Variants in EPHA8 observed in about 807,000 individuals in gnomAD.
The protein encoded by EPHA8 is ephrin type-A receptor 8.
In EPHA8, 58 loss-of-function variants were observed where a neutral mutation model predicts 103.6. The ratio of observed to expected loss-of-function variants is 0.56; its 90% confidence interval spans 0.45 to 0.70. EPHA8 has a LOEUF of 0.70. Among genes scored for constraint, EPHA8 ranks in the 30% least tolerant of loss-of-function variants. The pLI is 0.00. For missense variants in EPHA8, 1,304 were observed against 1,395.2 expected (o/e 0.93, Z 1.04); for synonymous variants, 559 against 572.5 (o/e 0.98, Z 0.34).
At chr1:22,574,468 ACTGCCCCCTCC>A (rs1245549694) in intron 2 of EPHA8, among the ~76,000 whole-genome samples, 1 of 152,128 alleles carries the variant, frequency 6.6e-6, no homozygotes, top group Non-Finnish European at 1.5e-5. Flanking sequence ...TTAAACAGTA[ACTGCCCCCTCC>A]CTGCCAGCCC....
chr1:22,596,099 T>C lies in EPHA8; in HGVS notation c.1698-7T>C, dbSNP rs1641510044. 1 of 1,613,586 alleles carries C rather than the reference T, an allele frequency of 6.2e-7. No homozygotes were observed. The highest frequency in any genetic ancestry group is 1.1e-5 in the South Asian group (1 of 91,064). On this transcript the variant is annotated splice_region_variant and splice_polypyrimidine_tract_variant and intron_variant, in intron 8 of 16. Coordinates refer to ENST00000166244, the MANE Select transcript of EPHA8 (RefSeq NM_020526.5). ...GGCCTCAGGCAGGGCGGTGCCCTCCTCTGCAGGCACTGTGGCTACAGCAAG... is the reference window on the plus strand; with the variant it reads ...GGCCTCAGGCAGGGCGGTGCCCTCCCCTGCAGGCACTGTGGCTACAGCAAG...
chr1:22,576,819 C>T lies in EPHA8; in HGVS notation c.762C>T (p.Leu254=), dbSNP rs150558842. 3.7e-5 allele frequency: 59 copies of T among 1,611,018 alleles called. No homozygotes were observed. The highest frequency in any genetic ancestry group is 4.8e-5 in the Non-Finnish European group (56 of 1,178,826). Reference sequence around the variant, plus strand: ...ACTGCAGCGCGGAGGGCGAGTGGCTCGTGCCCATCGGCAAATGCGTGTGCA... The same window carrying T: ...ACTGCAGCGCGGAGGGCGAGTGGCTTGTGCCCATCGGCAAATGCGTGTGCA... ...KMYCSAEGEW[L]VPIGKCVCSA... The change falls in exon 3 of 17, where the codon CTC becomes CTT. Residue 254 remains leucine (L), a synonymous_variant. Transcript: ENST00000166244. This position sits in a 1 kb window ranked among gnomAD's most constrained non-coding sequence, Gnocchi z 4.8.
chr1:22,579,215 G>GTA (rs1462429451), intron 3 of EPHA8, among the ~76,000 whole-genome samples: 12 of 151,472 alleles, frequency 7.9e-5, no homozygotes, highest in African/African-American at 2.9e-4. Context: ...GTGCATGTGT[G>GTA]TGTATGTATG....
chr1:22,581,743 T>C (rs1396146011), intron 3 of EPHA8, among the ~76,000 whole-genome samples: 1 of 152,222 alleles, frequency 6.6e-6, no homozygotes, highest in Non-Finnish European at 1.5e-5. Flanking sequence ...ATTTTACATT[T>C]AAATAATAAT....
chr1:22,580,121 CTTTCTCT>C (rs1641001882), intron 3 of EPHA8, among the ~76,000 whole-genome samples: 1 of 123,110 alleles, frequency 8.1e-6, no homozygotes, highest in African/African-American at 3.1e-5. Flanking sequence ...GGTTTTCTTT[CTTTCTCT>C]TTTTTTTTTT....
intron 4 of EPHA8, 119 bp downstream of exon 4, chr1:22,586,754 C>G: frequency 1.5e-6 from 2 of 1,323,548 alleles, no homozygotes; most frequent in Non-Finnish European, 2.1e-6. Context: ...GCGGGTGGCT[C>G]TCTTGAGCCA....
chr1:22,569,354 G>A lies in EPHA8; in HGVS notation c.159+1G>A, dbSNP rs770655541. On this transcript the variant is annotated splice_donor_variant, in intron 2 of 16. Coordinates refer to ENST00000166244, the MANE Select transcript of EPHA8 (RefSeq NM_020526.5). LOFTEE classifies it high-confidence loss of function. This position sits in a 1 kb window ranked among gnomAD's most constrained non-coding sequence, Gnocchi z 4.5. ...CTGGCTCACGTATCCGGCTCATGGG[G>A]TGAGTGATGGGCACTGGGGACAACG... 6.3e-7 allele frequency: 1 copy of A among 1,591,946 alleles called. No homozygotes were observed. The highest frequency in any genetic ancestry group is 8.6e-7 in the Non-Finnish European group (1 of 1,169,532).
At chr1:22,600,874 G>A in intron 14 of EPHA8, 24 bp from the exon 15 acceptor site, 3 of 1,590,516 alleles carry the variant, frequency 1.9e-6, no homozygotes, top group South Asian at 2.3e-5. Context: ...AGGGACGGCT[G>A]AGCCCAGCGC....
rs1174100710 is a variant in EPHA8, at chr1:22,603,249, G to A, written c.*1508G>A. 1.3e-5 allele frequency: 2 copies of A among 152,532 alleles called. No homozygotes were observed. The highest frequency in any genetic ancestry group is 2.9e-5 in the Non-Finnish European group (2 of 68,120). The allele number at this position is 152,532 out of a possible 1,614,324, so 9.4% of individuals were successfully genotyped here. A position where few individuals can be genotyped will look rare whatever the true frequency, so the allele number is the denominator to read the frequency against. On this transcript the variant is annotated 3_prime_UTR_variant, in exon 17 of 17. Transcript: ENST00000166244. Reference sequence around the variant, plus strand: ...CCCCTCTCCCTCCTGCAATAATTCGGGGAGTCTCAGCCCCATCCAGGTGCC... The same window carrying A: ...CCCCTCTCCCTCCTGCAATAATTCGAGGAGTCTCAGCCCCATCCAGGTGCC...
chr1:22,569,367 A>G lies in EPHA8; in HGVS notation c.159+14A>G. The stretch of plus-strand genomic sequence containing the variant: ...CCGGCTCATGGGGTGAGTGATGGGC[A>G]CTGGGGACAACGTCATCCCTCTGTG... On this transcript the variant is annotated intron_variant, in intron 2 of 16. Transcript: ENST00000166244. This position sits in a 1 kb window ranked among gnomAD's most constrained non-coding sequence, Gnocchi z 4.5. The G allele has an allele frequency of 1.3e-6, 2 of 1,577,554 alleles. No individual in the cohort carries two copies. Among genetic ancestry groups the G allele is most frequent in the Non-Finnish European group, 1.7e-6 (2 of 1,162,648 alleles).
At position 22,569,468 on chromosome 1, in the gene EPHA8, G is replaced by T; in HGVS notation, c.159+115G>T. ...AAGCAGAGGCCCAGAGAGGTCAAGG[G>T]ACTTACCCAAGGGCACACAGCAGTT... On this transcript the variant is annotated intron_variant, in intron 2 of 16. Transcript: ENST00000166244. This position sits in a 1 kb window ranked among gnomAD's most constrained non-coding sequence, Gnocchi z 4.5. 8.7e-7 allele frequency: 1 copy of T among 1,145,562 alleles called. No individual in the cohort carries two copies. Among genetic ancestry groups the T allele is most frequent in the East Asian group, 2.6e-5 (1 of 38,226 alleles). 71.0% of individuals were successfully genotyped at this position (1,145,562 alleles called of 1,614,324 possible). A position where few individuals can be genotyped will look rare whatever the true frequency, so the allele number is the denominator to read the frequency against.
At position 22,576,135 on chromosome 1, in the gene EPHA8, C is replaced by A; in HGVS notation, c.160-82C>A. On this transcript the variant is annotated intron_variant, in intron 2 of 16. Transcript: ENST00000166244. This position sits in a 1 kb window ranked among gnomAD's most constrained non-coding sequence, Gnocchi z 4.8. ...CTTTGTCTTTTTTTTTGCCAGCGTC[C>A]CCAGCACAGAACACAGGGTCATTGG... 6.7e-7 allele frequency: 1 copy of A among 1,482,558 alleles called. No homozygotes were observed. Among genetic ancestry groups the A allele is most frequent in the South Asian group, 1.4e-5 (1 of 73,644 alleles). The allele number at this position is 1,482,558 out of a possible 1,614,324, so 91.8% of individuals were successfully genotyped here. A position where few individuals can be genotyped will look rare whatever the true frequency, so the allele number is the denominator to read the frequency against.
chr1:22,575,024 C>T (rs1247521045), intron 2 of EPHA8, among the ~76,000 whole-genome samples: 1 of 152,174 alleles, frequency 6.6e-6, no homozygotes, highest in Non-Finnish European at 1.5e-5. Flanking sequence ...GATCTTGGCT[C>T]ACTGCAATCC....
chr1:22,595,362 C>G, intron 8 of EPHA8, 39 bp downstream of exon 8: 1 of 1,563,056 alleles, frequency 6.4e-7, no homozygotes, highest in Non-Finnish European at 8.8e-7. Flanking sequence ...CCCCTCCTCT[C>G]AAGCACCGTA....
In EPHA8 at chr1:22,589,759, T is replaced by C; in HGVS notation, c.1315+553T>C. 1 of 899,726 alleles carries C rather than the reference T, an allele frequency of 1.1e-6. No homozygotes were observed. Among genetic ancestry groups the C allele is most frequent in the Non-Finnish European group, 1.3e-6 (1 of 748,482 alleles). The allele number at this position is 899,726 out of a possible 1,614,324, so 55.7% of individuals were successfully genotyped here. A position where few individuals can be genotyped will look rare whatever the true frequency, so the allele number is the denominator to read the frequency against. On this transcript the variant is annotated intron_variant, in intron 5 of 16. Transcript: ENST00000166244. This position sits in a 1 kb window ranked among gnomAD's most constrained non-coding sequence, Gnocchi z 4.3. ...GCTGAATTCACCCCCGGAACCTCTTTCTTCCCAAACTCTGGAGGACCCTGC... is the reference window on the plus strand; with the variant it reads ...GCTGAATTCACCCCCGGAACCTCTTCCTTCCCAAACTCTGGAGGACCCTGC...
rs959401780 is a variant in EPHA8 at position 22,598,327 on chromosome 1, G to C, written c.2178+115G>C. The C allele has an allele frequency of 4.8e-6, 5 of 1,038,988 alleles. No individual in the cohort carries two copies. In the Admixed American group the frequency reaches 1.2e-4, roughly 24 times the overall value. The allele number at this position is 1,038,988 out of a possible 1,614,324, so 64.4% of individuals were successfully genotyped here. On this transcript the variant is annotated intron_variant, in intron 12 of 16. Transcript: ENST00000166244. This position sits in a 1 kb window ranked among gnomAD's most constrained non-coding sequence, Gnocchi z 5.1. ...CTCCCTGGCTTGGACACCACAGGCC[G>C]GGGGACAGGAGGCAGGTATAGGGAG...
chr1:22,584,120 C>T (rs2148245260), intron 3 of EPHA8, among the ~76,000 whole-genome samples: 1 of 152,384 alleles, frequency 6.6e-6, no homozygotes, highest in African/African-American at 2.4e-5. Flanking sequence ...ACAGGTTCAA[C>T]AAATATTTGC....
chr1:22,579,077 A>G (rs561578049), intron 3 of EPHA8, among the ~76,000 whole-genome samples: 26 of 119,034 alleles, frequency 2.2e-4, no homozygotes, highest in African/African-American at 8.1e-4. Context: ...ATGTGTGTGC[A>G]TGTGTACGTG....
intron 3 of EPHA8, among the ~76,000 whole-genome samples, chr1:22,578,378 G>C (rs1306779600): frequency 7.2e-6 from 1 of 138,502 alleles, no homozygotes; most frequent in Admixed American, 7.6e-5. Flanking sequence ...GCGTGCTTTA[G>C]TATATGTATG....
Sources: gnomAD v4.1 joint callset for allele counts (sites outside exome capture counted in the v4.1 genomes callset) on GRCh38, gnomAD v4.1.1 for gene constraint, Gnocchi (gnomAD v3.1) non-coding constraint, MANE v1.5 for transcripts, NCBI Gene and HGNC (gene_info 2026-07-23, HGNC 2026-07-21) for gene names.